KIF16B: variants seen among roughly 807,000 people sequenced by gnomAD.
KIF16B encodes the protein kinesin-like protein KIF16B.
A neutral mutation model predicts 156.3 loss-of-function variants in KIF16B; 98 were observed. That is an observed-to-expected ratio of 0.63 (90% CI 0.53 to 0.74). The LOEUF (loss-of-function observed/expected upper bound fraction) is 0.74, where lower values mean the gene tolerates loss of function less well. KIF16B is among the 30% of genes least tolerant of loss of function. The pLI is 0.00. For missense variants in KIF16B, 1,421 were observed against 1,606.5 expected, an observed-to-expected ratio of 0.88 and a Z score of 1.97; for synonymous variants, 564 against 583.7, an observed-to-expected ratio of 0.97 and a Z score of 0.49.
chr20:16,346,481 C>T (rs2064237164), intron 23 of KIF16B, among the ~76,000 whole-genome samples: 1 of 152,126 alleles, frequency 6.6e-6, no homozygotes, highest in Non-Finnish European at 1.5e-5. Flanking sequence ...ACCTGGTGTG[C>T]TAGGAAGCAA....
chr20:16,328,359 C>T (rs961297110), intron 24 of KIF16B, among the ~76,000 whole-genome samples: 2 of 152,126 alleles, frequency 1.3e-5, no homozygotes, highest in African/African-American at 2.4e-5. Flanking sequence ...TGACTCACTG[C>T]GATAACTTAG....
chr20:16,283,097 C>T (rs569693777), intron 25 of KIF16B, among the ~76,000 whole-genome samples: 3 of 152,176 alleles, frequency 2.0e-5, no homozygotes, highest in Admixed American at 6.5e-5. Context: ...GTCAGTCTAA[C>T]TCAGGGCAGG....
Position 16,526,086 on chromosome 20 carries a change from A to G in KIF16B, c.231+6T>C. 6.8e-7 allele frequency: 1 copy of G among 1,460,388 alleles called. No individual in the cohort carries two copies. Among genetic ancestry groups the G allele is most frequent in the South Asian group, 1.2e-5 (1 of 82,366 alleles). 90.5% of individuals were successfully genotyped at this position (1,460,388 alleles called of 1,614,324 possible). A position where few individuals can be genotyped will look rare whatever the true frequency, so the allele number is the denominator to read the frequency against. ...TCAACATAAATATTTTGAAAATATC[A>G]TATACCATTTCTTGTGAAACGTAAT... On this transcript the variant is annotated splice_donor_region_variant and intron_variant, in intron 3 of 25. Coordinates refer to ENST00000354981, the MANE Select transcript of KIF16B (RefSeq NM_024704.5).
chr20:16,405,002 A>G, intron 16 of KIF16B, 101 bp from the exon 17 acceptor site: 1 of 770,360 alleles, frequency 1.3e-6, no homozygotes, highest in Non-Finnish European at 2.2e-6. Context: ...TGAGGTGCAC[A>G]TGCTCCTAAT....
chr20:16,417,723 T>C (rs766333608), intron 15 of KIF16B, among the ~76,000 whole-genome samples: 105 of 151,662 alleles, frequency 6.9e-4, no homozygotes, highest in Non-Finnish European at 9.1e-4. Flanking sequence ...AAAAACAAAA[T>C]ATTCAAAATA....
intron 22 of KIF16B, among the ~76,000 whole-genome samples, chr20:16,358,647 G>T (rs2064492446): frequency 6.6e-6 from 1 of 151,808 alleles, no homozygotes; most frequent in Non-Finnish European, 1.5e-5. Flanking sequence ...CCACCCTGTG[G>T]GACTTAAGGT....
intron 12 of KIF16B, among the ~76,000 whole-genome samples, chr20:16,465,617 G>C (rs1357984568): frequency 6.6e-6 from 1 of 151,996 alleles, no homozygotes; most frequent in Non-Finnish European, 1.5e-5. Flanking sequence ...AAATGTAAAA[G>C]AAAAAATCAC....
rs2066378847 is a variant in KIF16B at position 16,427,210 on chromosome 20, A to G, written c.1506T>C (p.His502=). The change falls in exon 15 of 26, where the codon CAT becomes CAC. Residue 502 remains histidine (H), a synonymous_variant. Transcript: ENST00000354981. ...VLHGLDLESE[H]CIFENIGGTV... ...TCCCCCCGATATTTTCAAAGATGCA[A>G]TGCTCACTCTCCAAGTCAAGGCCAT... 1.9e-6 allele frequency: 3 copies of G among 1,612,882 alleles called. No individual in the cohort carries two copies. Among genetic ancestry groups the G allele is most frequent in the Non-Finnish European group, 2.5e-6 (3 of 1,179,292 alleles).
At chr20:16,539,914 G>T (rs990448659) in intron 1 of KIF16B, among the ~76,000 whole-genome samples, 1 of 152,182 alleles carries the variant, frequency 6.6e-6, no homozygotes, top group Non-Finnish European at 1.5e-5. Flanking sequence ...CATTAGCCTG[G>T]AAGATTCTAA....
chr20:16,369,810 C>A (rs1386711066), intron 22 of KIF16B, among the ~76,000 whole-genome samples: 1 of 152,210 alleles, frequency 6.6e-6, no homozygotes, highest in Non-Finnish European at 1.5e-5. Flanking sequence ...TACAAGTCAT[C>A]ACCATGGAAG....
rs189149962 is a variant in KIF16B, at chr20:16,392,532, T to C, written c.1785-10785A>G. Among the ~76,000 whole-genome samples the C allele has an allele frequency of 7.2e-4, 109 of 152,324 alleles. No homozygotes were observed. In the South Asian group the frequency reaches 7.7e-3, roughly 11 times the overall value. ...CACCGCAGTTCCTCTGCCATGACGA[T>C]ACACTGTTGAAGTGAAGAGCTTTGC... On this transcript the variant is annotated intron_variant, in intron 17 of 25. Coordinates refer to ENST00000354981, the MANE Select transcript of KIF16B (RefSeq NM_024704.5).
Position 16,504,478 on chromosome 20 carries a change from T to A in KIF16B, c.1070A>T (p.Asn357Ile). The change falls in exon 10 of 26, where the codon AAC becomes ATC. Residue 357 changes from asparagine to isoleucine, a missense_variant. Physicochemically the swap from Asn to Ile is moderately radical, Grantham distance 149. Coordinates refer to ENST00000354981, the MANE Select transcript of KIF16B (RefSeq NM_024704.5). ...STLRYANRAKNIINKPTINED... is the reference protein window; with the variant it reads ...STLRYANRAKIIINKPTINED... ...ATTAATGGTAGGCTTGTTGATGATGTTTTTGGCTCTATTTGCATAGCGAAG... is the reference window on the plus strand; with the variant it reads ...ATTAATGGTAGGCTTGTTGATGATGATTTTGGCTCTATTTGCATAGCGAAG... 1 of 1,613,982 alleles carries A rather than the reference T, an allele frequency of 6.2e-7. No homozygotes were observed. Among genetic ancestry groups the A allele is most frequent in the Non-Finnish European group, 8.5e-7 (1 of 1,179,854 alleles).
chr20:16,532,128 TTGA>T (rs1276029735), intron 1 of KIF16B, among the ~76,000 whole-genome samples: 6 of 152,060 alleles, frequency 3.9e-5, no homozygotes, highest in African/African-American at 1.4e-4. Context: ...GACTAGATAT[TTGA>T]TGATATTAAG....
At position 16,506,019 on chromosome 20, in the gene KIF16B, T is replaced by A. The variant is rs2068765763; in HGVS notation, c.868+3A>T. ...AGGAGGCAGGAGCCAGGCGTAAGCA[T>A]ACCTAAGGCAGAAATGACGTTCCCC... On this transcript the variant is annotated splice_donor_region_variant and intron_variant, in intron 8 of 25. Transcript: ENST00000354981. The A allele has an allele frequency of 6.2e-7, 1 of 1,614,114 alleles. No individual in the cohort carries two copies. Among genetic ancestry groups the A allele is most frequent in the Non-Finnish European group, 8.5e-7 (1 of 1,179,968 alleles).
intron 15 of KIF16B, among the ~76,000 whole-genome samples, chr20:16,414,588 T>C (rs1445796807): frequency 6.6e-6 from 1 of 152,144 alleles, no homozygotes; most frequent in Non-Finnish European, 1.5e-5. Flanking sequence ...AAATTGATTT[T>C]CAATCTTGGC....
chr20:16,390,839 C>T (rs934744867), intron 17 of KIF16B, among the ~76,000 whole-genome samples: 1 of 152,222 alleles, frequency 6.6e-6, no homozygotes, highest in African/African-American at 2.4e-5. Flanking sequence ...CTGCTGTGAA[C>T]AGGCAGGACT....
At chr20:16,536,191 C>T (rs1321134016) in intron 1 of KIF16B, among the ~76,000 whole-genome samples, 3 of 152,060 alleles carry the variant, frequency 2.0e-5, no homozygotes, top group Non-Finnish European at 4.4e-5. Context: ...TTTGCAGCAA[C>T]GTGGACAGAA....
intron 12 of KIF16B, among the ~76,000 whole-genome samples, chr20:16,487,902 T>C (rs2068169595): frequency 6.6e-6 from 1 of 152,230 alleles, no homozygotes; most frequent in African/African-American, 2.4e-5. Flanking sequence ...TCGACAAACA[T>C]TAATTGTTAA....
intron 25 of KIF16B, among the ~76,000 whole-genome samples, chr20:16,308,217 A>C (rs1015541800): frequency 6.6e-6 from 1 of 152,214 alleles, no homozygotes; most frequent in Non-Finnish European, 1.5e-5. Flanking sequence ...CAACGAAAAC[A>C]AGATTATAAA....
Sources: gnomAD v4.1 joint callset for allele counts (sites outside exome capture counted in the v4.1 genomes callset) on GRCh38, gnomAD v4.1.1 for gene constraint, MANE v1.5 for transcripts, NCBI Gene and HGNC (gene_info 2026-07-23, HGNC 2026-07-21) for gene names.